SH3BP5: variants seen among roughly 807,000 people sequenced by gnomAD.
SH3BP5 encodes SH3 domain binding protein 5.
SH3BP5 carries 22 observed loss-of-function variants against 43.3 expected under a neutral mutation model. The observed-to-expected ratio is 0.51, with a 90% CI of 0.36 to 0.73. The LOEUF is 0.73. SH3BP5 is among the 30% of genes least tolerant of loss of function. The pLI is 0.00. For synonymous variants in SH3BP5, 255 were observed against 225.8 expected, an observed-to-expected ratio of 1.13 and a Z score of -1.16; for missense variants, 529 against 586.9, an observed-to-expected ratio of 0.90 and a Z score of 1.02.
chr3:15,313,710 A>G lies in SH3BP5; in HGVS notation c.202-9479T>C, dbSNP rs147542531. On this transcript the variant is annotated intron_variant, in intron 2 of 8. Transcript: ENST00000383791. ...CTGACGGAACTTCTGTGACGATGAC[A>G]TGTGCTACATCTGTGCCATCCAACA... Among the ~76,000 whole-genome samples, 11 of 152,294 alleles carry G rather than the reference A, an allele frequency of 7.2e-5. No homozygotes were observed. In the East Asian group the frequency reaches 2.1e-3, roughly 29 times the overall value.
chr3:15,304,728 T>C (rs1697850178), intron 2 of SH3BP5, among the ~76,000 whole-genome samples: 1 of 147,426 alleles, frequency 6.8e-6, no homozygotes, highest in African/African-American at 2.5e-5. Flanking sequence ...GGCACAAGAA[T>C]CTCTTGAACC....
intron 3 of SH3BP5, among the ~76,000 whole-genome samples, chr3:15,289,724 G>A (rs1681392077): frequency 6.6e-6 from 1 of 152,106 alleles, no homozygotes; most frequent in Admixed American, 6.6e-5. Context: ...TATGGCCTTG[G>A]GTGTTGATAT....
chr3:15,291,183 A>G (rs1353796567), intron 3 of SH3BP5, among the ~76,000 whole-genome samples: 1 of 152,234 alleles, frequency 6.6e-6, no homozygotes, highest in Non-Finnish European at 1.5e-5. Context: ...CAGCATGAGC[A>G]TTCGCATGCT....
At chr3:15,309,006 A>G (rs79896155) in intron 2 of SH3BP5, among the ~76,000 whole-genome samples, 120 of 152,340 alleles carry the variant, frequency 7.9e-4, no homozygotes, top group African/African-American at 2.7e-3. Flanking sequence ...TAGCTGCAAT[A>G]AAGTAATCAA....
At chr3:15,338,277 A>T (rs557195160) in intron 1 of SH3BP5, among the ~76,000 whole-genome samples, 1 of 152,316 alleles carries the variant, frequency 6.6e-6, no homozygotes, top group Admixed American at 6.5e-5. Context: ...CAGGAGGTTG[A>T]GGCTGAAGTG....
chr3:15,258,744 A>T, intron 7 of SH3BP5, 87 bp downstream of exon 7: 1 of 1,218,288 alleles, frequency 8.2e-7, no homozygotes. Flanking sequence ...GAGACCTTTC[A>T]CTGATGGCCA....
At chr3:15,279,814 G>A (rs892359340) in intron 3 of SH3BP5, among the ~76,000 whole-genome samples, 3 of 152,110 alleles carry the variant, frequency 2.0e-5, no homozygotes, top group African/African-American at 7.2e-5. Flanking sequence ...ATCAAGCACT[G>A]AGCCCACCTC....
intron 3 of SH3BP5, among the ~76,000 whole-genome samples, chr3:15,290,124 G>A (rs566224340): frequency 6.6e-5 from 10 of 152,214 alleles, no homozygotes; most frequent in East Asian, 3.9e-4. Flanking sequence ...TCCTCAGGCC[G>A]GGCACGGTGG....
chr3:15,326,948 G>A (rs1026738400), intron 2 of SH3BP5, among the ~76,000 whole-genome samples: 7 of 152,164 alleles, frequency 4.6e-5, no homozygotes, highest in Non-Finnish European at 7.3e-5. Flanking sequence ...AAACTGAAAA[G>A]ATTAATATTG....
chr3:15,327,630 G>A (rs751394313), intron 2 of SH3BP5, among the ~76,000 whole-genome samples: 16 of 152,118 alleles, frequency 1.1e-4, no homozygotes, highest in Non-Finnish European at 2.1e-4. Context: ...TATTACCCCC[G>A]CTCTGCTACT....
At chr3:15,332,653 G>A, upstream of SH3BP5, 1 of 1,156,130 alleles carries the variant, frequency 8.6e-7, no homozygotes, top group Non-Finnish European at 1.1e-6. Flanking sequence ...CCCCCGTCCC[G>A]CCCCGGCCTC....
intron 4 of SH3BP5, among the ~76,000 whole-genome samples, chr3:15,266,049 T>G (rs933841121): frequency 1.3e-5 from 2 of 152,118 alleles, no homozygotes; most frequent in Non-Finnish European, 2.9e-5. Context: ...CTTTCTCGAC[T>G]CTCCAATCTC....
intron 2 of SH3BP5, among the ~76,000 whole-genome samples, chr3:15,320,605 AACACACACACACAC>A (rs376414934): frequency 9.5e-5 from 12 of 126,860 alleles, no homozygotes; most frequent in African/African-American, 3.6e-4. Flanking sequence ...ATCCAGCCAA[AACACACACACACAC>A]ACACACACAC....
At chr3:15,333,531 G>T (rs951988788), upstream of SH3BP5, among the ~76,000 whole-genome samples, 1 of 152,176 alleles carries the variant, frequency 6.6e-6, no homozygotes, top group Non-Finnish European at 1.5e-5. Context: ...CTGGCACAAC[G>T]TGGTGGCTCG....
chr3:15,298,041 A>G (rs923711140), intron 3 of SH3BP5, among the ~76,000 whole-genome samples: 4 of 151,288 alleles, frequency 2.6e-5, no homozygotes, highest in Non-Finnish European at 5.9e-5. Context: ...CAGTAGCACA[A>G]TCATAACTCA....
intron 2 of SH3BP5, among the ~76,000 whole-genome samples, chr3:15,330,050 G>A (rs747048187): frequency 1.4e-4 from 21 of 152,232 alleles, no homozygotes; most frequent in Non-Finnish European, 2.4e-4. Flanking sequence ...AAGGAGGCGG[G>A]GGGTGAGTTA....
intron 2 of SH3BP5, 30 bp downstream of exon 2, chr3:15,330,474 C>T (rs746029322): frequency 6.3e-7 from 1 of 1,587,964 alleles, no homozygotes; most frequent in Non-Finnish European, 8.6e-7. Flanking sequence ...GACATCACTT[C>T]ACCAAGAACA....
chr3:15,262,382 C>T (rs1696479329), intron 4 of SH3BP5, 93 bp from the exon 5 acceptor site: 1 of 1,445,588 alleles, frequency 6.9e-7, no homozygotes. Flanking sequence ...TATTCTTTGC[C>T]CGGGCATGGT....
In SH3BP5 at chr3:15,254,836, T is replaced by C. The variant is rs1696135460; in HGVS notation, c.*1250A>G. 6.6e-6 allele frequency: 1 copy of C among 152,180 alleles called. No individual in the cohort carries two copies. Among genetic ancestry groups the C allele is most frequent in the Non-Finnish European group, 1.5e-5 (1 of 68,018 alleles). 9.4% of individuals were successfully genotyped at this position (152,180 alleles called of 1,614,324 possible). ...CAATACTGGGAGTTCTTATTTGAAG[T>C]CACAGAAAGGAGAAACTTTTCTCAA... On this transcript the variant is annotated 3_prime_UTR_variant, in exon 9 of 9. Coordinates refer to ENST00000383791, the MANE Select transcript of SH3BP5 (RefSeq NM_004844.5).
Sources: gnomAD v4.1 joint callset for allele counts (sites outside exome capture counted in the v4.1 genomes callset) on GRCh38, gnomAD v4.1.1 for gene constraint, MANE v1.5 for transcripts, NCBI Gene and HGNC (gene_info 2026-07-23, HGNC 2026-07-21) for gene names.